IQCB1: variants seen among roughly 807,000 people sequenced by gnomAD.
The protein encoded by IQCB1 is IQ calmodulin-binding motif-containing protein 1.
In IQCB1, 56 loss-of-function variants were observed where a neutral mutation model predicts 84.4. That is an observed-to-expected ratio of 0.66 (90% CI 0.54 to 0.83). The LOEUF is 0.83. Ranked by LOEUF, IQCB1 falls within the 40% of genes least tolerant of loss-of-function variation. IQCB1 has a pLI of 0.00. For missense variants in IQCB1, 629 were observed against 682.1 expected (o/e 0.92, Z 0.87); for synonymous variants, 210 against 234.8 (o/e 0.89, Z 0.96).
At chr3:121,776,474 G>T (rs1013766088) in intron 13 of IQCB1, among the ~76,000 whole-genome samples, 2 of 152,124 alleles carry the variant, frequency 1.3e-5, no homozygotes, top group East Asian at 3.8e-4. Context: ...CCCCTAAGTG[G>T]TGACTCTGCC....
intron 5 of IQCB1, among the ~76,000 whole-genome samples, chr3:121,824,614 GAA>G (rs777664822): frequency 8.8e-6 from 1 of 113,244 alleles, no homozygotes; most frequent in Non-Finnish European, 1.9e-5. Flanking sequence ...GAGTAAGGTT[GAA>G]AAAAAAAAAA....
At chr3:121,795,820 A>T (rs1949168556) in intron 9 of IQCB1, among the ~76,000 whole-genome samples, 1 of 152,134 alleles carries the variant, frequency 6.6e-6, no homozygotes, top group African/African-American at 2.4e-5. Flanking sequence ...CTTTTCAAAG[A>T]TTTCATAGTC....
intron 2 of IQCB1, among the ~76,000 whole-genome samples, chr3:121,832,641 TA>T (rs1214293139): frequency 1.3e-5 from 2 of 152,192 alleles, no homozygotes; most frequent in Non-Finnish European, 2.9e-5. Flanking sequence ...TTACAATTTT[TA>T]CATATGAAAT....
In IQCB1 at chr3:121,797,171, T is replaced by C. The variant is rs886057826; in HGVS notation, c.823A>G (p.Arg275Gly). 3.7e-6 allele frequency: 6 copies of C among 1,611,366 alleles called. No homozygotes were observed. Among genetic ancestry groups the C allele is most frequent in the Non-Finnish European group, 5.1e-6 (6 of 1,178,420 alleles). The change falls in exon 9 of 15, where the codon AGA (arginine) becomes GGA (glycine). Residue 275 changes from arginine (R) to glycine (G), a missense_variant. Coordinates refer to ENST00000310864, the MANE Select transcript of IQCB1 (RefSeq NM_001023570.4). ...GGGCTTAAAAGGCCAACAAGCTGTCTAAGTTCTTGACTGAATTCAGTCCCA... is the reference window on the plus strand; with the variant it reads ...GGGCTTAAAAGGCCAACAAGCTGTCCAAGTTCTTGACTGAATTCAGTCCCA... ...ETGTEFSQEL[R>G]QLVGLLSPMV...
rs121918244 is a variant in IQCB1, at chr3:121,781,772, G to A, written c.1381C>T (p.Arg461Ter). The A allele has an allele frequency of 5.1e-5, 83 of 1,613,482 alleles. No homozygotes were observed. The highest frequency in any genetic ancestry group is 8.3e-5 in the Admixed American group (5 of 59,986). Residue 461 changes from arginine to a stop codon, truncating the protein, a stop_gained, in exon 13 of 15, where the codon CGA (arginine) becomes TGA (stop). Coordinates refer to ENST00000310864, the MANE Select transcript of IQCB1 (RefSeq NM_001023570.4). LOFTEE classifies it high-confidence loss of function. Reference sequence around the variant, plus strand: ...TGTCTTCTGACATAGTCATCCACTCGTTTCTTCAGTTCAACTCGGCGTGCA... The same window carrying A: ...TGTCTTCTGACATAGTCATCCACTCATTTCTTCAGTTCAACTCGGCGTGCA... ...TDARRVELKK[R>*]VDDYVRRHLG... is the part of the protein sequence containing the mutation.
At chr3:121,809,606 A>G (rs1179493189) in intron 5 of IQCB1, among the ~76,000 whole-genome samples, 3 of 152,088 alleles carry the variant, frequency 2.0e-5, no homozygotes, top group Non-Finnish European at 4.4e-5. Flanking sequence ...ATGTTCAATC[A>G]ACATTTAGTC....
At chr3:121,772,444 G>T in intron 14 of IQCB1, 113 bp downstream of exon 14, 1 of 1,043,778 alleles carries the variant, frequency 9.6e-7, no homozygotes, top group Non-Finnish European at 1.5e-6. Flanking sequence ...ATTTCCTGAG[G>T]TTAGGGGATG....
At chr3:121,829,536 A>C (rs1950561421) in intron 2 of IQCB1, among the ~76,000 whole-genome samples, 1 of 152,220 alleles carries the variant, frequency 6.6e-6, no homozygotes, top group African/African-American at 2.4e-5. Context: ...ATTCTGGTAC[A>C]TGCCAGTCGA....
Position 121,790,665 on chromosome 3 carries a change from T to C in IQCB1, c.987-450A>G, listed in dbSNP as rs1056073136. 7.9e-5 allele frequency among the ~76,000 whole-genome samples: 12 copies of C among 152,290 alleles called. No homozygotes were observed. In the Middle Eastern group the frequency reaches 0.017, roughly 216 times the overall value. ...TTCTATGAACTATGAAAACATAAAA[T>C]GTTCGAAGAATATTTAGTGACATGA... On this transcript the variant is annotated intron_variant, in intron 10 of 14. Coordinates refer to ENST00000310864, the MANE Select transcript of IQCB1 (RefSeq NM_001023570.4).
At chr3:121,774,741 G>A (rs868092192) in intron 13 of IQCB1, among the ~76,000 whole-genome samples, 12 of 152,322 alleles carry the variant, frequency 7.9e-5, no homozygotes, top group South Asian at 2.1e-4. Context: ...GCTGGGTAGT[G>A]AGGGAATGGT....
rs1708208898 is a variant in IQCB1 at position 121,835,041 on chromosome 3, G to T, written c.-177C>A. 3.5e-6 allele frequency: 2 copies of T among 573,284 alleles called. No individual in the cohort carries two copies. Among genetic ancestry groups the T allele is most frequent in the South Asian group, 2.1e-5 (1 of 47,396 alleles). 35.5% of individuals were successfully genotyped at this position (573,284 alleles called of 1,614,324 possible). A position where few individuals can be genotyped will look rare whatever the true frequency, so the allele number is the denominator to read the frequency against. ...GCACTACAGCGCCGCGGCCTTCCGG[G>T]GCAGCGTGCGTCGCGACGCGGGAAG... On this transcript the variant is annotated 5_prime_UTR_variant, in exon 1 of 15. Transcript: ENST00000310864.
At chr3:121,778,778 C>T (rs1022738886) in intron 13 of IQCB1, among the ~76,000 whole-genome samples, 2 of 151,668 alleles carry the variant, frequency 1.3e-5, no homozygotes, top group African/African-American at 2.4e-5. Flanking sequence ...TGATGGCAGG[C>T]GCCTGTAATC....
chr3:121,805,849 A>G (rs7619226), intron 7 of IQCB1, among the ~76,000 whole-genome samples: 97,836 of 151,966 alleles, frequency 0.64, 31,989 homozygotes, highest in African/African-American at 0.72. Flanking sequence ...GGTTCTCTAC[A>G]TGTATAGCTC....
rs200158965 is a variant in IQCB1, at chr3:121,790,156, T to C, written c.1046A>G (p.Lys349Arg). 40 of 1,613,610 alleles carry C rather than the reference T, an allele frequency of 2.5e-5. No homozygotes were observed. The highest frequency in any genetic ancestry group is 3.4e-5 in the Non-Finnish European group (40 of 1,179,558). Residue 349 changes from lysine to arginine, a missense_variant, in exon 11 of 15, where the codon AAA becomes AGA. Coordinates refer to ENST00000310864, the MANE Select transcript of IQCB1 (RefSeq NM_001023570.4). Reference protein sequence around the residue: ...INRQKEEEDLKLQLQLQRQRA... With the variant: ...INRQKEEEDLRLQLQLQRQRA... ...CTGTCTTTGAAGTTGCAATTGTAAT[T>C]TGAGGTCCTCTTCTTCCTTCTGCCT...
chr3:121,830,788 T>C (rs1298291108), intron 2 of IQCB1, among the ~76,000 whole-genome samples: 1 of 152,198 alleles, frequency 6.6e-6, no homozygotes, highest in Non-Finnish European at 1.5e-5. Flanking sequence ...CATCCCTGCC[T>C]TTCTCTGACC....
chr3:121,824,356 C>T (rs1480825694), intron 5 of IQCB1, among the ~76,000 whole-genome samples: 11 of 152,134 alleles, frequency 7.2e-5, no homozygotes, highest in Admixed American at 5.2e-4. Flanking sequence ...GAGACTTCAT[C>T]ATGCTATGAG....
intron 13 of IQCB1, among the ~76,000 whole-genome samples, chr3:121,775,176 G>T (rs1948172640): frequency 6.6e-6 from 1 of 152,104 alleles, no homozygotes; most frequent in African/African-American, 2.4e-5. Context: ...TTTCAGTTGT[G>T]GTTCTGCCCC....
In IQCB1 at chr3:121,835,000, C is replaced by T; in HGVS notation, c.-136G>A. On this transcript the variant is annotated 5_prime_UTR_variant, in exon 1 of 15. Coordinates refer to ENST00000310864, the MANE Select transcript of IQCB1 (RefSeq NM_001023570.4). ...GCTTCGCGTTCTTCCACTAAAGAAC[C>T]TGGGGCTCCCACGCCGCACTACAGC... is the stretch of plus-strand genomic sequence containing the variant. 1 of 446,284 alleles carries T rather than the reference C, an allele frequency of 2.2e-6. No individual in the cohort carries two copies. Among genetic ancestry groups the T allele is most frequent in the South Asian group, 2.6e-5 (1 of 38,390 alleles). 27.6% of individuals were successfully genotyped at this position (446,284 alleles called of 1,614,324 possible).
intron 2 of IQCB1, among the ~76,000 whole-genome samples, chr3:121,832,393 T>TCTCA (rs1281453595): frequency 6.6e-6 from 1 of 150,868 alleles, no homozygotes; most frequent in East Asian, 1.9e-4. Context: ...AGTGGTGCAA[T>TCTCA]CTCAGCTCAC....
Sources: allele counts gnomAD v4.1 joint callset (sites outside exome capture counted in the v4.1 genomes callset), GRCh38; gene constraint gnomAD v4.1.1; transcripts MANE v1.5; gene names NCBI Gene and HGNC (gene_info 2026-07-23, HGNC 2026-07-21).